ZFP37: variants seen among roughly 807,000 people sequenced by gnomAD.
ZFP37 encodes the protein ZFP37 zinc finger protein.
Under a neutral mutation model 52.1 loss-of-function variants are expected in ZFP37, and 38 were observed. The ratio of observed to expected loss-of-function variants is 0.73; its 90% CI spans 0.56 to 0.96. The LOEUF (loss-of-function observed/expected upper bound fraction) is 0.96, where lower values mean the gene tolerates loss of function less well. Ranked by LOEUF, ZFP37 falls within the 40% of genes least tolerant of loss-of-function variation. ZFP37 has a pLI of 0.00. For synonymous variants in ZFP37, 253 were observed against 259.5 expected (o/e 0.98, Z 0.24); for missense variants, 695 against 741.4 (o/e 0.94, Z 0.73).
chr9:113,046,770 G>A (rs1028097919), intron 3 of ZFP37, among the ~76,000 whole-genome samples: 2 of 152,150 alleles, frequency 1.3e-5, no homozygotes, highest in African/African-American at 4.8e-5. Context: ...AATTATTGGA[G>A]AGAATAGAAC....
At chr9:113,054,969 G>A (rs889820501) in intron 1 of ZFP37, among the ~76,000 whole-genome samples, 1 of 152,120 alleles carries the variant, frequency 6.6e-6, no homozygotes, top group African/African-American at 2.4e-5. Context: ...TCATTCCCCT[G>A]CTTAAACTCA....
Position 113,049,381 on chromosome 9 carries a change from C to T in ZFP37, c.330G>A (p.Lys110=), listed in dbSNP as rs781040774. The change falls in exon 3 of 4, where the codon AAG becomes AAA. Residue 110 remains lysine (K), a synonymous_variant. Transcript: ENST00000374227. ...ACTTACTTCCATCAGTTTCTTTTTGCTTGGGTCTTGCTATTTTACTTGGAC... is the reference window on the plus strand; with the variant it reads ...ACTTACTTCCATCAGTTTCTTTTTGTTTGGGTCTTGCTATTTTACTTGGAC... ...QGCPSKIARP[K]QKETDGKVQK... 23 of 1,612,736 alleles carry T rather than the reference C, an allele frequency of 1.4e-5. No homozygotes were observed. The highest frequency in any genetic ancestry group is 1.8e-5 in the Non-Finnish European group (21 of 1,179,620).
rs1828909079 is a variant in ZFP37, at chr9:113,044,063, T to G, written c.555A>C (p.Lys185Asn). ...LKFESCGKIL[K>N]QNLDLPDHSR... The stretch of plus-strand genomic sequence containing the variant: ...AGTGATCAGGTAAATCTAAATTCTG[T>G]TTCAAAATTTTTCCACATGACTCAA... The change falls in exon 4 of 4, where the codon AAA (lysine) becomes AAC (asparagine). Residue 185 changes from lysine (K) to asparagine (N), a missense_variant. Lys to Asn is a moderately conservative substitution (Grantham distance 94). Coordinates refer to ENST00000374227, the MANE Select transcript of ZFP37 (RefSeq NM_003408.3). 1 of 1,609,494 alleles carries G rather than the reference T, an allele frequency of 6.2e-7. No individual in the cohort carries two copies.
intron 3 of ZFP37, among the ~76,000 whole-genome samples, chr9:113,047,494 G>T (rs1337639212): frequency 1.3e-5 from 2 of 152,140 alleles, no homozygotes; most frequent in Non-Finnish European, 2.9e-5. Flanking sequence ...GCTCACACCT[G>T]TAATCCCAAC....
intron 1 of ZFP37, among the ~76,000 whole-genome samples, chr9:113,054,674 C>T (rs1208121435): frequency 2.0e-5 from 3 of 152,214 alleles, no homozygotes; most frequent in Non-Finnish European, 4.4e-5. Flanking sequence ...CACCATCCAT[C>T]CGGTTCTTCA....
rs1306820171 is a variant in ZFP37 at position 113,043,770 on chromosome 9, T to C, written c.848A>G (p.His283Arg). Reference protein sequence around the residue: ...KSPSLSSSTKHEKPQACVKPY... With the variant: ...KSPSLSSSTKREKPQACVKPY... Reference sequence around the variant, plus strand: ...TTTCACACAAGCTTGAGGTTTTTCATGCTTAGTAGATGAGCTAAGGCTGGG... The same window carrying C: ...TTTCACACAAGCTTGAGGTTTTTCACGCTTAGTAGATGAGCTAAGGCTGGG... Residue 283 changes from histidine to arginine, a missense_variant, in exon 4 of 4, where the codon CAT (histidine) becomes CGT (arginine). His to Arg is a conservative substitution (Grantham distance 29). Transcript: ENST00000374227. 2 of 1,613,922 alleles carry C rather than the reference T, an allele frequency of 1.2e-6. No individual in the cohort carries two copies. The highest frequency in any genetic ancestry group is 8.5e-7 in the Non-Finnish European group (1 of 1,179,972).
intron 3 of ZFP37, among the ~76,000 whole-genome samples, chr9:113,048,902 G>GTT (rs57585379): frequency 8.6e-5 from 13 of 150,670 alleles, no homozygotes; most frequent in East Asian, 5.8e-4. Context: ...CACTCACCCT[G>GTT]TTTTTTTTTG....
chr9:113,050,892 CA>C (rs113594789), intron 1 of ZFP37, among the ~76,000 whole-genome samples: 161 of 131,098 alleles, frequency 1.2e-3, no homozygotes, highest in Middle Eastern at 4.1e-3. Context: ...GACTCCATCT[CA>C]AAAAAAAAAA....
Position 113,040,108 on chromosome 9 carries a change from C to A in ZFP37, c.*2617G>T, listed in dbSNP as rs1828823215. ...TGTGTGTCTGTTTTCCTATACTAAC[C>A]TCCAATTGTATTTAGACATCCTTTC... On this transcript the variant is annotated 3_prime_UTR_variant, in exon 4 of 4. Transcript: ENST00000374227. The A allele has an allele frequency of 6.6e-6, 1 of 152,244 alleles. No homozygotes were observed. The highest frequency in any genetic ancestry group is 2.4e-5 in the African/African-American group (1 of 41,464). 9.4% of individuals were successfully genotyped at this position (152,244 alleles called of 1,614,324 possible).
chr9:113,047,866 G>C (rs901277561), intron 3 of ZFP37, among the ~76,000 whole-genome samples: 2 of 152,322 alleles, frequency 1.3e-5, no homozygotes. Context: ...TGTTGTTTAA[G>C]TAGGTCAAAT....
rs1828854300 is a variant in ZFP37 at position 113,041,960 on chromosome 9, C to T, written c.*765G>A. 1.3e-5 allele frequency: 2 copies of T among 152,168 alleles called. No individual in the cohort carries two copies. The highest frequency in any genetic ancestry group is 1.3e-4 in the Admixed American group (2 of 15,272). 9.4% of individuals were successfully genotyped at this position (152,168 alleles called of 1,614,324 possible). On this transcript the variant is annotated 3_prime_UTR_variant, in exon 4 of 4. Transcript: ENST00000374227. ...AATGGCAACCACCATGAAGTTTATT[C>T]TGTATTTTTTCAAAGTCTATTCACA...
chr9:113,046,151 TAGACAG>T, intron 3 of ZFP37, among the ~76,000 whole-genome samples: 1 of 150,206 alleles, frequency 6.7e-6, no homozygotes, highest in Admixed American at 6.7e-5. Context: ...TCTATATATA[TAGACAG>T]ATATATATCT....
Position 113,042,398 on chromosome 9 carries a change from AG to A in ZFP37, c.*326del. On this transcript the variant is annotated 3_prime_UTR_variant, in exon 4 of 4. Coordinates refer to ENST00000374227, the MANE Select transcript of ZFP37 (RefSeq NM_003408.3). Reference sequence around the variant, plus strand: ...TTAAGTACAAAACAAGAAGAAACACAGGAACTGTCAGCATATATAACTTGTT... The same window carrying A: ...TTAAGTACAAAACAAGAAGAAACACAGAACTGTCAGCATATATAACTTGTT... The A allele has an allele frequency of 4.8e-6, 1 of 206,344 alleles. No homozygotes were observed. The highest frequency in any genetic ancestry group is 1.3e-4 in the East Asian group (1 of 7,662). The allele number at this position is 206,344 out of a possible 1,614,324, so 12.8% of individuals were successfully genotyped here. A position where few individuals can be genotyped will look rare whatever the true frequency, so the allele number is the denominator to read the frequency against.
rs541705156 is a variant in ZFP37, at chr9:113,056,419, C to A, written c.132+138G>T. 3.3e-5 allele frequency: 46 copies of A among 1,414,848 alleles called. No homozygotes were observed. The African/African-American group carries it at 4.3e-4, about 13-fold the overall frequency. The allele number at this position is 1,414,848 out of a possible 1,614,324, so 87.6% of individuals were successfully genotyped here. On this transcript the variant is annotated intron_variant, in intron 1 of 3. Transcript: ENST00000374227. The stretch of plus-strand genomic sequence containing the variant: ...CATTAACCCCACAGATAACTCAGAA[C>A]ACCGACCTCCCAAAAGACCATCTAG...
rs535406152 is a variant in ZFP37 at position 113,040,889 on chromosome 9, C to T, written c.*1836G>A. ...GATGTTTTTGAAAACCATTTCTGTA[C>T]TTATGTCTCTGCTTTTAGTGTAACA... On this transcript the variant is annotated 3_prime_UTR_variant, in exon 4 of 4. Coordinates refer to ENST00000374227, the MANE Select transcript of ZFP37 (RefSeq NM_003408.3). 2 of 152,180 alleles carry T rather than the reference C, an allele frequency of 1.3e-5. No individual in the cohort carries two copies. Among genetic ancestry groups the T allele is most frequent in the South Asian group, 4.2e-4 (2 of 4,816 alleles). 9.4% of individuals were successfully genotyped at this position (152,180 alleles called of 1,614,324 possible).
chr9:113,044,358 T>C (rs534028078), intron 3 of ZFP37, 90 bp from the exon 4 acceptor site: 1 of 1,215,536 alleles, frequency 8.2e-7, no homozygotes, highest in Non-Finnish European at 1.1e-6. Context: ...TGTTGTAGGG[T>C]TAAATTTTTA....
In ZFP37 at chr9:113,042,974, AT is replaced by A; in HGVS notation, c.1643del (p.Asn548MetfsTer69). The A allele has an allele frequency of 6.2e-7, 1 of 1,613,860 alleles. No individual in the cohort carries two copies. Among genetic ancestry groups the A allele is most frequent in the Non-Finnish European group, 8.5e-7 (1 of 1,179,904 alleles). On this transcript the variant is annotated frameshift_variant, in exon 4 of 4. Coordinates refer to ENST00000374227, the MANE Select transcript of ZFP37 (RefSeq NM_003408.3). LOFTEE classifies it high-confidence loss of function. ...TTTGGCTAAAGGCTTTCCCACATTC[AT>A]TACACTCATACGGTTTCTCTCCAGT... is the stretch of plus-strand genomic sequence containing the variant. ...VHTGEKPYEC[N>X]ECGKAFSQKS...
intron 3 of ZFP37, among the ~76,000 whole-genome samples, chr9:113,047,424 T>C (rs191643325): frequency 6.6e-6 from 1 of 152,186 alleles, no homozygotes; most frequent in East Asian, 1.9e-4. Context: ...ACATAAATAA[T>C]AACTGAATAT....
chr9:113,050,102 G>A (rs1276378788), intron 1 of ZFP37: 11 of 587,124 alleles, frequency 1.9e-5, no homozygotes, highest in Admixed American at 3.6e-5. Flanking sequence ...TGTCCCTACT[G>A]AGCTAGGCAT....
Sources: gnomAD v4.1 joint callset for allele counts (sites outside exome capture counted in the v4.1 genomes callset) on GRCh38, gnomAD v4.1.1 for gene constraint, MANE v1.5 for transcripts, NCBI Gene and HGNC (gene_info 2026-07-23, HGNC 2026-07-21) for gene names.